CSMD1: variants seen among roughly 807,000 people sequenced by gnomAD.
CSMD1 encodes the protein CUB and Sushi multiple domains 1.
In CSMD1, 213 loss-of-function variants were observed where a neutral mutation model predicts 417.5. The ratio of observed to expected loss-of-function variants is 0.51; its 90% confidence interval spans 0.46 to 0.57. CSMD1 has a LOEUF of 0.57. CSMD1 is among the 20% of genes least tolerant of loss of function. CSMD1 has a pLI of 0.00. For missense variants in CSMD1, 6,923 were observed against 4,529.7 expected (o/e 1.53, Z -15.17); for synonymous variants, 2,862 against 1,736.8 (o/e 1.65, Z -16.11).
Position 3,217,558 on chromosome 8 carries a change from G to T in CSMD1, c.4672+1697C>A, listed in dbSNP as rs188873390. Among the ~76,000 whole-genome samples, 292 of 152,258 alleles carry T rather than the reference G, an allele frequency of 1.9e-3. 3 individuals are homozygous for T. The highest frequency in any genetic ancestry group is 6.8e-3 in the African/African-American group (282 of 41,536). ...GTTGGGGGCGTGGGGGGCTATCATA[G>T]AATAAGTACTGTCATGGTAAAATGC... is the stretch of plus-strand genomic sequence containing the variant. On this transcript the variant is annotated intron_variant, in intron 29 of 69. Coordinates refer to ENST00000635120, the MANE Select transcript of CSMD1 (RefSeq NM_033225.6).
chr8:4,599,768 A>G lies in CSMD1; in HGVS notation c.302+37574T>C, dbSNP rs144550819. Among the ~76,000 whole-genome samples, 805 of 152,326 alleles carry G rather than the reference A, an allele frequency of 5.3e-3. 12 individuals are homozygous for G. Among genetic ancestry groups the G allele is most frequent in the African/African-American group, 0.018 (759 of 41,560 alleles). ...AAACAATGGTAACAATAATTCTCAC[A>G]GTTCACACAGTGGATACTGTAAGCC... On this transcript the variant is annotated intron_variant, in intron 2 of 69. Coordinates refer to ENST00000635120, the MANE Select transcript of CSMD1 (RefSeq NM_033225.6).
At chr8:3,108,479 A>G (rs1816291347) in intron 44 of CSMD1, 124 bp downstream of exon 44, 2 of 972,772 alleles carry the variant, frequency 2.1e-6, no homozygotes, top group Non-Finnish European at 3.0e-6. Context: ...CTCCAGTGCA[A>G]AAGAATCATA....
chr8:3,621,713 G>A (rs1796249582), intron 7 of CSMD1, among the ~76,000 whole-genome samples: 1 of 151,700 alleles, frequency 6.6e-6, no homozygotes, highest in South Asian at 2.1e-4. Flanking sequence ...CCAAATAGCT[G>A]CAACTACAGG....
intron 3 of CSMD1, among the ~76,000 whole-genome samples, chr8:4,328,249 T>A (rs1436643963): frequency 1.8e-5 from 2 of 110,616 alleles, no homozygotes; most frequent in Non-Finnish European, 3.8e-5. Context: ...ACAATTTTTT[T>A]TTTTTTTTTT....
chr8:4,950,240 A>C (rs528616001), intron 1 of CSMD1, among the ~76,000 whole-genome samples: 5 of 152,252 alleles, frequency 3.3e-5, no homozygotes, highest in African/African-American at 1.2e-4. Context: ...AAAAATACAA[A>C]ATTAGTCATT....
At chr8:4,288,324 C>G (rs1797173607) in intron 3 of CSMD1, among the ~76,000 whole-genome samples, 2 of 152,130 alleles carry the variant, frequency 1.3e-5, no homozygotes, top group Non-Finnish European at 2.9e-5. Context: ...CCCTGAAGGG[C>G]TCCCTTCACC....
intron 3 of CSMD1, among the ~76,000 whole-genome samples, chr8:4,271,238 G>A (rs1315801501): frequency 4.6e-5 from 7 of 152,126 alleles, no homozygotes; most frequent in Non-Finnish European, 8.8e-5. Flanking sequence ...ACGAATCAGG[G>A]CGTAGTGGAC....
intron 5 of CSMD1, among the ~76,000 whole-genome samples, chr8:3,756,212 G>A (rs946841991): frequency 1.3e-5 from 2 of 151,870 alleles, no homozygotes; most frequent in African/African-American, 2.4e-5. Context: ...AATTAGCCGG[G>A]CATGGTGGCG....
intron 6 of CSMD1, among the ~76,000 whole-genome samples, chr8:3,712,340 A>T (rs1179893899): frequency 4.6e-5 from 7 of 151,976 alleles, no homozygotes; most frequent in Admixed American, 3.9e-4. Flanking sequence ...AACTGCCCTC[A>T]GAGCTGAGCA....
chr8:4,699,296 G>C (rs1292373025), intron 1 of CSMD1, among the ~76,000 whole-genome samples: 5 of 152,152 alleles, frequency 3.3e-5, no homozygotes, highest in Admixed American at 6.5e-5. Context: ...GTACCTCTCT[G>C]TTTCTAGCAG....
chr8:4,079,462 G>C (rs1800009373), intron 3 of CSMD1, among the ~76,000 whole-genome samples: 2 of 152,298 alleles, frequency 1.3e-5, no homozygotes, highest in African/African-American at 2.4e-5. Context: ...ATTCTTCTGA[G>C]TTCTATCATC....
At chr8:3,530,614 TG>T (rs1563126619) in intron 10 of CSMD1, among the ~76,000 whole-genome samples, 2 of 152,202 alleles carry the variant, frequency 1.3e-5, no homozygotes, top group Non-Finnish European at 1.5e-5. Context: ...CTCTGCCTTC[TG>T]GGTTCAAGTG....
chr8:4,770,896 C>T (rs370819239), intron 1 of CSMD1, among the ~76,000 whole-genome samples: 12 of 152,038 alleles, frequency 7.9e-5, no homozygotes, highest in East Asian at 3.8e-4. Flanking sequence ...TTGGCCTTGA[C>T]GATGATTTCC....
chr8:4,699,119 T>C (rs937863516), intron 1 of CSMD1, among the ~76,000 whole-genome samples: 1 of 152,196 alleles, frequency 6.6e-6, no homozygotes, highest in African/African-American at 2.4e-5. Flanking sequence ...CATTACTCAA[T>C]CATTTACTTG....
intron 3 of CSMD1, among the ~76,000 whole-genome samples, chr8:4,411,229 T>G (rs1796635767): frequency 1.3e-5 from 2 of 152,170 alleles, no homozygotes; most frequent in Non-Finnish European, 2.9e-5. Context: ...AAATATTAAT[T>G]AATACATATT....
At chr8:4,975,280 T>C (rs1419724037) in intron 1 of CSMD1, among the ~76,000 whole-genome samples, 1 of 152,220 alleles carries the variant, frequency 6.6e-6, no homozygotes, top group South Asian at 2.1e-4. Context: ...TTAAAGAGAA[T>C]ATCTGCTGTA....
At chr8:4,017,473 A>G (rs1001367632) in intron 4 of CSMD1, among the ~76,000 whole-genome samples, 2 of 151,846 alleles carry the variant, frequency 1.3e-5, no homozygotes, top group African/African-American at 4.8e-5. Flanking sequence ...TTCCCAGCTA[A>G]TTTTGTTTTT....
intron 6 of CSMD1, 91 bp downstream of exon 6, chr8:3,753,839 T>C (rs1797496497): frequency 2.5e-6 from 2 of 808,516 alleles, no homozygotes; most frequent in Non-Finnish European, 3.9e-6. Flanking sequence ...TTTCAAGCTA[T>C]TTATCCAACT....
intron 1 of CSMD1, among the ~76,000 whole-genome samples, chr8:4,802,722 A>T (rs1014687101): frequency 2.0e-5 from 3 of 152,206 alleles, no homozygotes; most frequent in Admixed American, 1.3e-4. Flanking sequence ...ATTATCTTCC[A>T]AAGAGAATGT....
Sources: gnomAD v4.1 joint callset for allele counts (sites outside exome capture counted in the v4.1 genomes callset) on GRCh38, gnomAD v4.1.1 for gene constraint, MANE v1.5 for transcripts, NCBI Gene and HGNC (gene_info 2026-07-23, HGNC 2026-07-21) for gene names.